Variants in ATP8A2 observed in about 807,000 individuals in gnomAD.
The protein encoded by ATP8A2 is phospholipid-transporting ATPase IB.
In ATP8A2, 100 loss-of-function variants were observed where a neutral mutation model predicts 165.6. The observed-to-expected ratio is 0.60, with a 90% CI of 0.51 to 0.71. ATP8A2 has a LOEUF of 0.71. ATP8A2 is among the 30% of genes least tolerant of loss of function. The pLI is 0.00. For synonymous variants in ATP8A2, 543 were observed against 548.8 expected, an observed-to-expected ratio of 0.99 and a Z score of 0.15; for missense variants, 1,227 against 1,479.5, an observed-to-expected ratio of 0.83 and a Z score of 2.80.
In ATP8A2 at chr13:25,513,202, G is replaced by A. The variant is rs188718374; in HGVS notation, c.222-16797G>A. Among the ~76,000 whole-genome samples, 566 of 151,710 alleles carry A rather than the reference G, an allele frequency of 3.7e-3. 8 individuals carry two copies. Among genetic ancestry groups the A allele is most frequent in the African/African-American group, 0.013 (542 of 41,396 alleles). Reference sequence around the variant, plus strand: ...CGGAGAGGCTCCTCACTTCTCAGACGGTGCGGTTGCCAGGTGGAGGGTCTC... The same window carrying A: ...CGGAGAGGCTCCTCACTTCTCAGACAGTGCGGTTGCCAGGTGGAGGGTCTC... On this transcript the variant is annotated intron_variant, in intron 2 of 36. Coordinates refer to ENST00000381655, the MANE Select transcript of ATP8A2 (RefSeq NM_016529.6).
At chr13:25,459,146 T>A (rs754920958) in intron 1 of ATP8A2, among the ~76,000 whole-genome samples, 23 of 152,208 alleles carry the variant, frequency 1.5e-4, no homozygotes, top group Non-Finnish European at 3.1e-4. Flanking sequence ...CAGCACCATT[T>A]TCAAGAGAGA....
chr13:25,470,512 A>C (rs898474730), intron 2 of ATP8A2, among the ~76,000 whole-genome samples: 23 of 152,220 alleles, frequency 1.5e-4, no homozygotes, highest in Admixed American at 5.9e-4. Flanking sequence ...TTTGGAAAAC[A>C]GTAAAAATGA....
chr13:25,375,598 T>A (rs201101385), intron 1 of ATP8A2, among the ~76,000 whole-genome samples: 2 of 143,862 alleles, frequency 1.4e-5, no homozygotes, highest in African/African-American at 5.3e-5. Context: ...TTTTTTTTTT[T>A]ATTTTGAGCC....
At chr13:25,432,368 C>T (rs1044947589) in intron 1 of ATP8A2, among the ~76,000 whole-genome samples, 2 of 152,170 alleles carry the variant, frequency 1.3e-5, no homozygotes, top group African/African-American at 4.8e-5. Flanking sequence ...CAGTGCTCCC[C>T]TAGGGAATAG....
intron 35 of ATP8A2, among the ~76,000 whole-genome samples, chr13:26,000,788 C>T (rs1413335818): frequency 6.6e-6 from 1 of 151,514 alleles, no homozygotes; most frequent in Non-Finnish European, 1.5e-5. Flanking sequence ...TCATTACCAA[C>T]AGCTCATGTG....
intron 25 of ATP8A2, among the ~76,000 whole-genome samples, chr13:25,746,712 C>T (rs943897827): frequency 6.6e-6 from 1 of 152,168 alleles, no homozygotes. Context: ...AATAACAATG[C>T]CTCGTCTCAA....
At chr13:25,776,893 T>C (rs2044755380) in intron 27 of ATP8A2, among the ~76,000 whole-genome samples, 1 of 152,160 alleles carries the variant, frequency 6.6e-6, no homozygotes. Flanking sequence ...ACATTCTGCG[T>C]GGAGCTCCCA....
At chr13:25,810,673 G>A (rs217893) in intron 27 of ATP8A2, among the ~76,000 whole-genome samples, 144,677 of 152,020 alleles carry the variant, frequency 0.95, 69,185 homozygotes, top group East Asian at 1. Context: ...ATATATGACT[G>A]TGTCTATCTT....
At chr13:25,936,346 G>A (rs769008858) in intron 33 of ATP8A2, among the ~76,000 whole-genome samples, 4 of 152,194 alleles carry the variant, frequency 2.6e-5, no homozygotes, top group East Asian at 1.9e-4. Flanking sequence ...GGAAGGATTC[G>A]GGAGGCCATG....
chr13:25,447,437 T>C (rs2035100060), intron 1 of ATP8A2, among the ~76,000 whole-genome samples: 2 of 152,280 alleles, frequency 1.3e-5, no homozygotes, highest in African/African-American at 4.8e-5. Context: ...CTCGTGGGAC[T>C]TGTGATGGGG....
intron 33 of ATP8A2, among the ~76,000 whole-genome samples, chr13:25,924,977 T>G (rs1954559170): frequency 6.6e-6 from 1 of 152,238 alleles, no homozygotes; most frequent in Non-Finnish European, 1.5e-5. Flanking sequence ...GTGAGTCCGT[T>G]AAACCTCTTT....
intron 1 of ATP8A2, among the ~76,000 whole-genome samples, chr13:25,449,463 GT>G (rs1398345215): frequency 1.3e-5 from 2 of 152,184 alleles, no homozygotes; most frequent in African/African-American, 4.8e-5. Flanking sequence ...TCCTTTAAAT[GT>G]GCTGAGACTT....
At position 25,372,852 on chromosome 13, in the gene ATP8A2, G is replaced by A. The variant is rs1464791276; in HGVS notation, c.76+564G>A. 6.6e-6 allele frequency among the ~76,000 whole-genome samples: 1 copy of A among 152,118 alleles called. No individual in the cohort carries two copies. The highest frequency in any genetic ancestry group is 2.4e-5 in the African/African-American group (1 of 41,414). On this transcript the variant is annotated intron_variant, in intron 1 of 36. Coordinates refer to ENST00000381655, the MANE Select transcript of ATP8A2 (RefSeq NM_016529.6). This position sits in a 1 kb window ranked among gnomAD's most constrained non-coding sequence, Gnocchi z 4.8. ...AACCATCCGTGCATACAACCATCTG[G>A]AGACGAACACACACACGCACACGCG...
chr13:25,537,814 TG>T (rs2038336719), intron 6 of ATP8A2, among the ~76,000 whole-genome samples, 173 bp from the exon 7 acceptor site: 1 of 152,262 alleles, frequency 6.6e-6, no homozygotes. Context: ...AGTGTCTGCA[TG>T]GAAGCACTTT....
At chr13:25,421,942 A>G (rs1258320622) in intron 1 of ATP8A2, among the ~76,000 whole-genome samples, 1 of 152,198 alleles carries the variant, frequency 6.6e-6, no homozygotes, top group Non-Finnish European at 1.5e-5. Context: ...TAAATTCATC[A>G]GCATTTTTCC....
At chr13:25,919,511 C>A (rs149416872) in intron 33 of ATP8A2, among the ~76,000 whole-genome samples, 1 of 152,078 alleles carries the variant, frequency 6.6e-6, no homozygotes, top group Non-Finnish European at 1.5e-5. Flanking sequence ...GAAGGTGCTG[C>A]GAGGTGGGCT....
chr13:25,469,840 AT>A (rs1295076086), intron 2 of ATP8A2, among the ~76,000 whole-genome samples: 1 of 152,006 alleles, frequency 6.6e-6, no homozygotes, highest in African/African-American at 2.4e-5. Flanking sequence ...TAAGGATAAA[AT>A]TTTTTCTGCT....
chr13:25,659,157 T>C (rs1276570959), intron 24 of ATP8A2, among the ~76,000 whole-genome samples: 1 of 152,188 alleles, frequency 6.6e-6, no homozygotes, highest in Non-Finnish European at 1.5e-5. Context: ...AGTGAGTCAC[T>C]CCAGGCAGTC....
At chr13:25,996,224 T>C (rs991449219) in intron 35 of ATP8A2, among the ~76,000 whole-genome samples, 1 of 152,230 alleles carries the variant, frequency 6.6e-6, no homozygotes, top group African/African-American at 2.4e-5. Context: ...ATTCACCATG[T>C]CATTCTGTAT....
Sources: allele counts gnomAD v4.1 joint callset (sites outside exome capture counted in the v4.1 genomes callset), GRCh38; gene constraint gnomAD v4.1.1; non-coding constraint Gnocchi (gnomAD v3.1); transcripts MANE v1.5; gene names NCBI Gene and HGNC (gene_info 2026-07-23, HGNC 2026-07-21).